The following AFF3 variants were observed in gnomAD, a reference collection of about 807,000 sequenced individuals.
The protein encoded by AFF3 is ALF transcription elongation factor 3, also known as AF4/FMR2 family member 3.
In AFF3, 32 loss-of-function variants were observed where a neutral mutation model predicts 129.7. The observed-to-expected ratio is 0.25, with a 90% CI of 0.19 to 0.33. AFF3 has a LOEUF of 0.33. Ranked by LOEUF, AFF3 falls within the 10% of genes least tolerant of loss-of-function variation. AFF3 has a pLI of 1.00. For missense variants in AFF3, 1,373 were observed against 1,592.0 expected (o/e 0.86, Z 2.34); for synonymous variants, 644 against 635.4 (o/e 1.01, Z -0.20).
In AFF3 at chr2:99,777,731, G is replaced by T. The variant is rs116389417; in HGVS notation, c.922-25430C>A. ...TGGTTCCTTTGCTTTCTGCCTCTAT[G>T]AAAATGCTCTGAAGTGCTGGTCTTG... On this transcript the variant is annotated intron_variant, in intron 8 of 24. Coordinates refer to ENST00000672756, the MANE Select transcript of AFF3 (RefSeq NM_001386135.1). Among the ~76,000 whole-genome samples the T allele has an allele frequency of 7.0e-3, 1,059 of 152,050 alleles. 10 individuals are homozygous for T. The highest frequency in any genetic ancestry group is 0.024 in the African/African-American group (997 of 41,486).
chr2:99,593,703 C>T lies in AFF3; in HGVS notation c.1958G>A (p.Arg653Gln). 1 of 1,609,184 alleles carries T rather than the reference C, an allele frequency of 6.2e-7. No homozygotes were observed. Among genetic ancestry groups the T allele is most frequent in the Non-Finnish European group, 8.5e-7 (1 of 1,177,106 alleles). Residue 653 changes from arginine (R) to glutamine (Q), a missense_variant, in exon 15 of 25, where the codon CGG becomes CAG. Transcript: ENST00000672756. ...SSVTCEKRRT[R>Q]GLSRIVPKSK... ...TTTGGGGACGATCCTGCTTAGCCCC[C>T]GCGTGCGGCGCTTCTCGCAGGTCAC...
intron 4 of AFF3, among the ~76,000 whole-genome samples, chr2:100,081,999 T>A (rs1186033066): frequency 6.6e-6 from 1 of 152,232 alleles, no homozygotes; most frequent in Non-Finnish European, 1.5e-5. Context: ...GTGCGTTTTT[T>A]AAATTCCTTT....
At chr2:99,837,019 TG>T (rs1441966174) in intron 8 of AFF3, among the ~76,000 whole-genome samples, 2 of 152,134 alleles carry the variant, frequency 1.3e-5, no homozygotes, top group Non-Finnish European at 2.9e-5. Flanking sequence ...GAAAATAACA[TG>T]TGAAACAATA....
At chr2:99,862,146 G>T (rs186154457) in intron 7 of AFF3, among the ~76,000 whole-genome samples, 3 of 152,020 alleles carry the variant, frequency 2.0e-5, no homozygotes, top group Admixed American at 2.0e-4. Context: ...AATGATAAAT[G>T]ATTTTAAAGT....
At chr2:99,604,785 T>A (rs558414193) in intron 13 of AFF3, among the ~76,000 whole-genome samples, 2 of 152,190 alleles carry the variant, frequency 1.3e-5, no homozygotes, top group African/African-American at 4.8e-5. Flanking sequence ...TGTTTCTCTG[T>A]CACCCTCTGG....
intron 7 of AFF3, among the ~76,000 whole-genome samples, chr2:99,922,627 G>T (rs1486782066): frequency 2.6e-5 from 4 of 152,160 alleles, no homozygotes; most frequent in African/African-American, 9.7e-5. Flanking sequence ...GATATGTTCT[G>T]TGTCTTGATA....
At chr2:100,122,939 A>G (rs1692038190) in intron 2 of AFF3, among the ~76,000 whole-genome samples, 1 of 152,252 alleles carries the variant, frequency 6.6e-6, no homozygotes, top group African/African-American at 2.4e-5. Context: ...AGTGTGGGAA[A>G]CACTGAGTTA....
intron 8 of AFF3, among the ~76,000 whole-genome samples, chr2:99,800,576 A>G (rs898848914): frequency 1.3e-5 from 2 of 152,200 alleles, no homozygotes; most frequent in African/African-American, 4.8e-5. Flanking sequence ...TTTACCCCAG[A>G]GAAGAGAAAG....
At chr2:99,741,891 T>A (rs983596033) in intron 10 of AFF3, among the ~76,000 whole-genome samples, 2 of 152,178 alleles carry the variant, frequency 1.3e-5, no homozygotes, top group South Asian at 4.1e-4. Flanking sequence ...ATTTCTTACA[T>A]GTTTACTGGA....
chr2:99,860,520 C>T (rs1271389577), intron 7 of AFF3, among the ~76,000 whole-genome samples: 3 of 151,838 alleles, frequency 2.0e-5, no homozygotes, highest in Admixed American at 1.3e-4. Context: ...TGCCACTGCA[C>T]TCCAGCCAGG....
At chr2:100,046,414 G>A (rs538745218) in intron 4 of AFF3, among the ~76,000 whole-genome samples, 5 of 152,298 alleles carry the variant, frequency 3.3e-5, no homozygotes, top group African/African-American at 9.6e-5. Context: ...AGTGGTAGGT[G>A]TGAGGCTGTA....
chr2:100,070,678 C>T (rs1255236454), intron 4 of AFF3, among the ~76,000 whole-genome samples: 1 of 152,132 alleles, frequency 6.6e-6, no homozygotes, highest in African/African-American at 2.4e-5. Context: ...AAGGCATTAG[C>T]TTCATTTCCA....
intron 7 of AFF3, among the ~76,000 whole-genome samples, chr2:99,879,290 T>C (rs1692521713): frequency 6.6e-6 from 1 of 152,232 alleles, no homozygotes; most frequent in Admixed American, 6.5e-5. Flanking sequence ...TGAACTTCTA[T>C]GTTTATACCA....
At chr2:99,587,700 G>A (rs570857766) in intron 15 of AFF3, among the ~76,000 whole-genome samples, 8 of 152,222 alleles carry the variant, frequency 5.3e-5, no homozygotes, top group African/African-American at 1.9e-4. Flanking sequence ...TGGCAAGCCT[G>A]GACTTTTCTG....
chr2:99,653,914 T>C (rs1019281878), intron 12 of AFF3, among the ~76,000 whole-genome samples: 1 of 150,740 alleles, frequency 6.6e-6, no homozygotes, highest in South Asian at 2.1e-4. Context: ...TGTTTCACTC[T>C]TGTTGCCCAG....
chr2:99,655,582 G>A (rs778981877), intron 12 of AFF3, among the ~76,000 whole-genome samples: 6 of 152,150 alleles, frequency 3.9e-5, no homozygotes, highest in Non-Finnish European at 1.5e-5. Context: ...AGAGCAAGAT[G>A]AGGCCAATCC....
At chr2:100,078,969 G>T in intron 4 of AFF3, among the ~76,000 whole-genome samples, 1 of 141,626 alleles carries the variant, frequency 7.1e-6, no homozygotes. Context: ...TTGAGACAGA[G>T]TCTCACTCTG....
intron 4 of AFF3, among the ~76,000 whole-genome samples, chr2:100,086,944 GA>G (rs1262945049): frequency 6.6e-6 from 1 of 152,260 alleles, no homozygotes; most frequent in Non-Finnish European, 1.5e-5. Flanking sequence ...ATGAGAAAAT[GA>G]AGCTTTGGAG....
At chr2:99,937,485 G>A (rs975753921) in intron 7 of AFF3, among the ~76,000 whole-genome samples, 3 of 152,102 alleles carry the variant, frequency 2.0e-5, no homozygotes, top group African/African-American at 7.2e-5. Context: ...TGCAACCTAC[G>A]CCTCCCAGGT....
Sources: allele counts gnomAD v4.1 joint callset (sites outside exome capture counted in the v4.1 genomes callset), GRCh38; gene constraint gnomAD v4.1.1; transcripts MANE v1.5; gene names NCBI Gene and HGNC (gene_info 2026-07-23, HGNC 2026-07-21).